Variants in NOMO2 observed in about 807,000 individuals in gnomAD.
NOMO2 encodes the protein NODAL modulator 2, also known as BOS complex subunit NOMO2.
In NOMO2, 14 loss-of-function variants were observed where a neutral mutation model predicts 67.1. That is an observed-to-expected ratio of 0.21 (90% CI 0.14 to 0.33). NOMO2 has a LOEUF of 0.33. Ranked by LOEUF, NOMO2 falls within the 10% of genes least tolerant of loss-of-function variation. The pLI is 1.00. For synonymous variants in NOMO2, 80 were observed against 305.9 expected, an observed-to-expected ratio of 0.26 and a Z score of 7.71; for missense variants, 178 against 761.0, an observed-to-expected ratio of 0.23 and a Z score of 9.01.
At position 18,562,021 on chromosome 16, in the gene NOMO2, G is replaced by A. The variant is rs748925934; in HGVS notation, c.20C>T (p.Ala7Val). The A allele has an allele frequency of 5.2e-6, 8 of 1,531,338 alleles. No homozygotes were observed. In the East Asian group the frequency reaches 1.5e-4, roughly 29 times the overall value. The allele number at this position is 1,531,338 out of a possible 1,614,324, so 94.9% of individuals were successfully genotyped here. A position where few individuals can be genotyped will look rare whatever the true frequency, so the allele number is the denominator to read the frequency against. ...GACCACCGCGGGCCCCAGCAGCCCC[G>A]CGCCCTGGCCCACCAGCATGGCCCG... Reference protein sequence around the residue: MLVGQGAGLLGPAVVTA... With the variant: MLVGQGVGLLGPAVVTA... Residue 7 changes from alanine to valine, a missense_variant, in exon 1 of 31, where the codon GCG becomes GTG. Coordinates refer to ENST00000622306, the MANE Select transcript of NOMO2 (RefSeq NM_173614.4).
intron 3 of NOMO2, among the ~76,000 whole-genome samples, chr16:18,554,511 G>C (rs1025087353): frequency 6.6e-6 from 1 of 151,602 alleles, no homozygotes; most frequent in African/African-American, 2.4e-5. Flanking sequence ...CCCCACTCTT[G>C]ATTTCTATAC....
At chr16:18,553,495 G>T (rs1013249288) in intron 3 of NOMO2, among the ~76,000 whole-genome samples, 3 of 151,270 alleles carry the variant, frequency 2.0e-5, no homozygotes, top group Admixed American at 6.6e-5. Context: ...TAGAAGGTCA[G>T]GGTGGTGGTC....
Position 18,557,465 on chromosome 16 carries a change from TC to T in NOMO2, c.255+236del, listed in dbSNP as rs1269241642. On this transcript the variant is annotated intron_variant, in intron 2 of 30. Coordinates refer to ENST00000622306, the MANE Select transcript of NOMO2 (RefSeq NM_173614.4). ...TGACTGTAGCGCACAGCCACAGATG[TC>T]ACAACAAAAACGTCTCTAGACATTG... is the stretch of plus-strand genomic sequence containing the variant. Among the ~76,000 whole-genome samples the T allele has an allele frequency of 4.0e-5, 6 of 151,420 alleles. No individual in the cohort carries two copies. In the East Asian group the frequency reaches 1.2e-3, roughly 30 times the overall value.
intron 1 of NOMO2, among the ~76,000 whole-genome samples, chr16:18,561,589 T>C (rs1567249402): frequency 1.3e-5 from 2 of 150,784 alleles, no homozygotes; most frequent in Non-Finnish European, 2.9e-5. Flanking sequence ...GAATTTAGGG[T>C]CTGGGTTTTG....
At chr16:18,529,851 A>G (rs1901255433) in intron 14 of NOMO2, among the ~76,000 whole-genome samples, 1 of 151,442 alleles carries the variant, frequency 6.6e-6, no homozygotes, top group Non-Finnish European at 1.5e-5. Flanking sequence ...GTGGTGGCTC[A>G]TGCCTATAAT....
chr16:18,522,736 A>C, intron 18 of NOMO2, among the ~76,000 whole-genome samples: 1 of 56,754 alleles, frequency 1.8e-5, no homozygotes, highest in Non-Finnish European at 4.3e-5. Flanking sequence ...TCCCTCAACG[A>C]CTCTCCGACC....
In NOMO2 at chr16:18,542,738, CA is replaced by C. The variant is rs1410302945; in HGVS notation, c.736-8del. 4.1e-6 allele frequency: 2 copies of C among 490,826 alleles called. No homozygotes were observed. Among genetic ancestry groups the C allele is most frequent in the East Asian group, 3.1e-5 (1 of 32,584 alleles). 30.4% of individuals were successfully genotyped at this position (490,826 alleles called of 1,614,324 possible). On this transcript the variant is annotated splice_region_variant and splice_polypyrimidine_tract_variant and intron_variant, in intron 7 of 30. Coordinates refer to ENST00000622306, the MANE Select transcript of NOMO2 (RefSeq NM_173614.4). ...CATTGCAGCCCAGGACATCCTATGC[CA>C]GGGGGTAAAAAAGACAAGACTTCCT...
At chr16:18,536,026 G>A (rs1901414934) in intron 11 of NOMO2, among the ~76,000 whole-genome samples, 1 of 152,008 alleles carries the variant, frequency 6.6e-6, no homozygotes, top group East Asian at 1.9e-4. Flanking sequence ...TTGAACTCCT[G>A]ACCTCATGAT....
intron 1 of NOMO2, among the ~76,000 whole-genome samples, chr16:18,561,189 A>AAC (rs1555467938): frequency 7.4e-6 from 1 of 135,186 alleles, no homozygotes; most frequent in Non-Finnish European, 1.6e-5. Context: ...AAAAAAAAAA[A>AAC]AAAAAAAAAA....
chr16:18,556,169 G>A (rs1293084486), intron 2 of NOMO2, among the ~76,000 whole-genome samples: 1 of 141,758 alleles, frequency 7.1e-6, no homozygotes, highest in Non-Finnish European at 1.5e-5. Context: ...GAAGTCAGTA[G>A]GCTGAGCATG....
chr16:18,524,434 G>A (rs1901098217), intron 17 of NOMO2, 55 bp downstream of exon 17: 1 of 856,342 alleles, frequency 1.2e-6, no homozygotes, highest in Admixed American at 2.7e-5. Context: ...AGTAAATGAA[G>A]AATCCTCCAC....
chr16:18,556,493 T>C (rs1399423525), intron 2 of NOMO2, among the ~76,000 whole-genome samples: 2 of 149,568 alleles, frequency 1.3e-5, no homozygotes, highest in Non-Finnish European at 1.5e-5. Flanking sequence ...GTTGAAAGCA[T>C]GCAAGAGGAA....
At chr16:18,553,818 C>A in intron 3 of NOMO2, among the ~76,000 whole-genome samples, 1 of 136,270 alleles carries the variant, frequency 7.3e-6, no homozygotes, top group Non-Finnish European at 1.6e-5. Flanking sequence ...CCCCACCCTA[C>A]CCCTGACTAT....
intron 11 of NOMO2, among the ~76,000 whole-genome samples, chr16:18,535,879 C>T (rs1327150422): frequency 1.3e-5 from 2 of 151,962 alleles, no homozygotes; most frequent in Non-Finnish European, 2.9e-5. Context: ...TCACTGCAAC[C>T]CCTGCCTCTC....
At chr16:18,529,429 G>A (rs758230312) in intron 15 of NOMO2, 72 bp downstream of exon 15, 1 of 1,611,370 alleles carries the variant, frequency 6.2e-7, no homozygotes, top group South Asian at 1.1e-5. Context: ...AATATTCCTG[G>A]GATGTTAGTC....
At chr16:18,531,744 T>C (rs1404130215) in intron 12 of NOMO2, 137 bp from the exon 13 acceptor site, 1 of 1,513,092 alleles carries the variant, frequency 6.6e-7, no homozygotes, top group African/African-American at 1.4e-5. Context: ...AGGCCAATTT[T>C]ACAATCACAA....
intron 9 of NOMO2, among the ~76,000 whole-genome samples, chr16:18,539,875 C>G (rs2561957): frequency 2.6e-5 from 4 of 152,108 alleles, no homozygotes; most frequent in African/African-American, 7.2e-5. Flanking sequence ...GAGCAGCACA[C>G]CTGTGCTTTC....
rs392524 is a variant in NOMO2, at chr16:18,528,607, A to G, written c.1806+894T>C. 4.4e-3 allele frequency among the ~76,000 whole-genome samples: 659 copies of G among 151,264 alleles called. 7 individuals are homozygous for G. Among genetic ancestry groups the G allele is most frequent in the African/African-American group, 9.2e-3 (379 of 40,994 alleles). ...TGCCTTTCAGGCCACAGAGACCACAATCAACAAGAAGCTAAGATCCTGTTT... is the reference window on the plus strand; with the variant it reads ...TGCCTTTCAGGCCACAGAGACCACAGTCAACAAGAAGCTAAGATCCTGTTT... On this transcript the variant is annotated intron_variant, in intron 15 of 30. Coordinates refer to ENST00000622306, the MANE Select transcript of NOMO2 (RefSeq NM_173614.4).
chr16:18,529,022 TA>T (rs1901227384), intron 15 of NOMO2, among the ~76,000 whole-genome samples: 1 of 44,046 alleles, frequency 2.3e-5, no homozygotes, highest in Admixed American at 2.1e-4. Context: ...TATATATATA[TA>T]TATATATATA....
Sources: allele counts gnomAD v4.1 joint callset (sites outside exome capture counted in the v4.1 genomes callset), GRCh38; gene constraint gnomAD v4.1.1; transcripts MANE v1.5; gene names NCBI Gene and HGNC (gene_info 2026-07-23, HGNC 2026-07-21).